Variants in GNA15 observed in about 807,000 individuals in gnomAD.
The protein encoded by GNA15 is G protein subunit alpha 15.
A neutral mutation model predicts 40.1 loss-of-function variants in GNA15; 23 were observed. The ratio of observed to expected loss-of-function variants is 0.57; its 90% confidence interval spans 0.41 to 0.81. The LOEUF (loss-of-function observed/expected upper bound fraction) is 0.81. GNA15 is among the 40% of genes least tolerant of loss of function. GNA15 has a pLI of 0.00. For synonymous variants in GNA15, 226 were observed against 210.4 expected (o/e 1.07, Z -0.64); for missense variants, 522 against 515.8 (o/e 1.01, Z -0.12).
At chr19:3,161,248 C>T (rs943040612) in intron 6 of GNA15, among the ~76,000 whole-genome samples, 4 of 152,188 alleles carry the variant, frequency 2.6e-5, no homozygotes, top group African/African-American at 9.7e-5. Context: ...GCCCTCATGC[C>T]TGGCCATGAC....
chr19:3,155,799 A>G lies in GNA15; in HGVS notation c.615-24A>G, dbSNP rs1914998698. 6.2e-7 allele frequency: 1 copy of G among 1,609,130 alleles called. No individual in the cohort carries two copies. Among genetic ancestry groups the G allele is most frequent in the Non-Finnish European group, 8.5e-7 (1 of 1,178,698 alleles). ...ACGGAGCAGGCTCCTGAGCTCTGAA[A>G]GGGGGCACCTCGGTTCCCTGTAGGA... is the stretch of plus-strand genomic sequence containing the variant. On this transcript the variant is annotated intron_variant, in intron 4 of 6. Transcript: ENST00000262958. The surrounding 1 kb of genome is among the most constrained non-coding windows in gnomAD (Gnocchi z 5.6).
rs766002711 is a variant in GNA15 at position 3,163,382 on chromosome 19, G to A, written c.*363G>A. 3.2e-5 allele frequency: 11 copies of A among 347,362 alleles called. No homozygotes were observed. Among genetic ancestry groups the A allele is most frequent in the Non-Finnish European group, 6.0e-5 (11 of 182,314 alleles). The allele number at this position is 347,362 out of a possible 1,614,324, so 21.5% of individuals were successfully genotyped here. A position where few individuals can be genotyped will look rare whatever the true frequency, so the allele number is the denominator to read the frequency against. On this transcript the variant is annotated 3_prime_UTR_variant, in exon 7 of 7. Coordinates refer to ENST00000262958, the MANE Select transcript of GNA15 (RefSeq NM_002068.4). ...TGTCACCTCCTGGGCAGGGTTCTGG[G>A]ACCCTCTGTGGGTGACGCACACCCT...
chr19:3,158,011 C>T, intron 6 of GNA15, 130 bp downstream of exon 6: 1 of 711,034 alleles, frequency 1.4e-6, no homozygotes, highest in African/African-American at 1.8e-5. Flanking sequence ...GCGTTCTAGA[C>T]TCAGCTCCAT....
chr19:3,144,537 A>AT (rs576782051), intron 1 of GNA15, among the ~76,000 whole-genome samples: 7,669 of 149,858 alleles, frequency 0.051, 243 homozygotes, highest in Non-Finnish European at 0.066. Flanking sequence ...TATTTTATTT[A>AT]TTTTTTTTTG....
chr19:3,150,294 G>T lies in GNA15; in HGVS notation c.485+9G>T. On this transcript the variant is annotated intron_variant, in intron 3 of 6. Transcript: ENST00000262958. ...CTCGATTCAGCCGTGTAGTGAGTCT[G>T]GGGTCTGCGGGGGATGGGCGCGTGG... 1 of 1,550,254 alleles carries T rather than the reference G, an allele frequency of 6.5e-7. No homozygotes were observed. The highest frequency in any genetic ancestry group is 8.7e-7 in the Non-Finnish European group (1 of 1,148,050).
chr19:3,154,775 A>G (rs1050580707), intron 4 of GNA15, among the ~76,000 whole-genome samples: 1 of 149,820 alleles, frequency 6.7e-6, no homozygotes, highest in Admixed American at 6.6e-5. Context: ...GAATAAATCG[A>G]TGAATGGGGT....
At position 3,138,868 on chromosome 19, in the gene GNA15, G is replaced by C. The variant is rs1914515149; in HGVS notation, c.145+2273G>C. Among the ~76,000 whole-genome samples, 4 of 148,926 alleles carry C rather than the reference G, an allele frequency of 2.7e-5. No individual in the cohort carries two copies. The South Asian group carries it at 8.5e-4, about 32-fold the overall frequency. On this transcript the variant is annotated intron_variant, in intron 1 of 6. Transcript: ENST00000262958. ...TTGGCCAGGCTGGTCTCGAACTCCT[G>C]ACCTGGTGATCAACCCGCCTTGGCC...
chr19:3,156,837 G>A (rs1281424327), intron 5 of GNA15, among the ~76,000 whole-genome samples: 1 of 151,944 alleles, frequency 6.6e-6, no homozygotes, highest in Non-Finnish European at 1.5e-5. Context: ...CTAGGATCAG[G>A]GCCCACCCTA....
chr19:3,153,402 A>G (rs1244664859), intron 4 of GNA15, among the ~76,000 whole-genome samples: 1 of 151,100 alleles, frequency 6.6e-6, no homozygotes, highest in Non-Finnish European at 1.5e-5. Context: ...GAATCAATGG[A>G]TAGATGGATG....
chr19:3,158,617 TC>T (rs1180230477), intron 6 of GNA15, among the ~76,000 whole-genome samples: 10 of 151,994 alleles, frequency 6.6e-5, no homozygotes, highest in African/African-American at 2.4e-4. Flanking sequence ...TTCTTTTCTT[TC>T]TTTCTTCTAT....
intron 6 of GNA15, among the ~76,000 whole-genome samples, chr19:3,160,175 A>G (rs1915110825): frequency 6.6e-6 from 1 of 152,146 alleles, no homozygotes; most frequent in South Asian, 2.1e-4. Context: ...GCTCTATGGG[A>G]TTGGAGATAA....
intron 4 of GNA15, among the ~76,000 whole-genome samples, chr19:3,152,892 A>G (rs1383261363): frequency 6.6e-6 from 1 of 152,124 alleles, no homozygotes; most frequent in East Asian, 1.9e-4. Context: ...CAAGATGGAG[A>G]GCCTCACAAG....
Position 3,151,592 on chromosome 19 carries a change from CT to C in GNA15, c.486-114del, listed in dbSNP as rs1401057180. The C allele has an allele frequency of 7.8e-7, 1 of 1,275,914 alleles. No individual in the cohort carries two copies. Among genetic ancestry groups the C allele is most frequent in the Non-Finnish European group, 1.1e-6 (1 of 945,554 alleles). The allele number at this position is 1,275,914 out of a possible 1,614,324, so 79.0% of individuals were successfully genotyped here. On this transcript the variant is annotated intron_variant, in intron 3 of 6. Coordinates refer to ENST00000262958, the MANE Select transcript of GNA15 (RefSeq NM_002068.4). The surrounding 1 kb of genome is among the most constrained non-coding windows in gnomAD (Gnocchi z 5.0). ...CATCTGCCAACTCCAGGGACCCCAC[CT>C]CCACCCAGGGAGCTCTCCTCCCCCA...
intron 1 of GNA15, chr19:3,146,561 C>G (rs898100176): frequency 6.6e-6 from 1 of 152,138 alleles, no homozygotes; most frequent in African/African-American, 2.4e-5. Flanking sequence ...CTGCAAGGAC[C>G]CTGCCAGATT....
Position 3,148,784 on chromosome 19 carries a change from C to A in GNA15, c.330+9C>A. 6.3e-7 allele frequency: 1 copy of A among 1,583,018 alleles called. No individual in the cohort carries two copies. Among genetic ancestry groups the A allele is most frequent in the Non-Finnish European group, 8.6e-7 (1 of 1,163,966 alleles). ...GCAGGCCCGAGAGCAAGGTGAGCCG[C>A]CAGGGCAGGCAGGGGCCCAGGGCAG... On this transcript the variant is annotated intron_variant, in intron 2 of 6. Coordinates refer to ENST00000262958, the MANE Select transcript of GNA15 (RefSeq NM_002068.4).
Position 3,136,640 on chromosome 19 carries a change from T to C in GNA15, c.145+45T>C. On this transcript the variant is annotated intron_variant, in intron 1 of 6. Coordinates refer to ENST00000262958, the MANE Select transcript of GNA15 (RefSeq NM_002068.4). This position sits in a 1 kb window ranked among gnomAD's most constrained non-coding sequence, Gnocchi z 4.9. ...GCGGTGGGTGGTGGGCAGTGGGCGGTGGCCAGCCGGCAGGGGTGTCGGGGC... is the reference window on the plus strand; with the variant it reads ...GCGGTGGGTGGTGGGCAGTGGGCGGCGGCCAGCCGGCAGGGGTGTCGGGGC... 1 of 1,522,832 alleles carries C rather than the reference T, an allele frequency of 6.6e-7. No individual in the cohort carries two copies. The highest frequency in any genetic ancestry group is 1.2e-5 in the South Asian group (1 of 82,742). The allele number at this position is 1,522,832 out of a possible 1,614,324, so 94.3% of individuals were successfully genotyped here.
Position 3,155,184 on chromosome 19 carries a change from G to A in GNA15, c.615-639G>A, listed in dbSNP as rs1914982835. The stretch of plus-strand genomic sequence containing the variant: ...CAAGTCCCTTCTTGCTTGAGGCCCT[G>A]GGCCGGGCCCGTCCAAAGCCTCTGT... On this transcript the variant is annotated intron_variant, in intron 4 of 6. Coordinates refer to ENST00000262958, the MANE Select transcript of GNA15 (RefSeq NM_002068.4). This position sits in a 1 kb window ranked among gnomAD's most constrained non-coding sequence, Gnocchi z 5.6. The A allele has an allele frequency of 6.6e-6, 1 of 152,406 alleles. No homozygotes were observed. The highest frequency in any genetic ancestry group is 1.5e-5 in the Non-Finnish European group (1 of 68,202). 9.4% of individuals were successfully genotyped at this position (152,406 alleles called of 1,614,324 possible).
intron 6 of GNA15, among the ~76,000 whole-genome samples, chr19:3,159,916 G>A (rs1473970549): frequency 3.9e-5 from 6 of 152,304 alleles, no homozygotes; most frequent in African/African-American, 1.4e-4. Context: ...ACAAAGGGGA[G>A]GCAGAGTTGT....
chr19:3,149,038 C>CAT (rs1555706382), intron 2 of GNA15: 105 of 465,688 alleles, frequency 2.3e-4, no homozygotes, highest in African/African-American at 1.3e-3. Flanking sequence ...CAAGGACACA[C>CAT]ACGTACATGC....
Sources: gnomAD v4.1 joint callset for allele counts (sites outside exome capture counted in the v4.1 genomes callset) on GRCh38, gnomAD v4.1.1 for gene constraint, Gnocchi (gnomAD v3.1) non-coding constraint, MANE v1.5 for transcripts, NCBI Gene and HGNC (gene_info 2026-07-23, HGNC 2026-07-21) for gene names.